KIT: variants seen among roughly 807,000 people sequenced by gnomAD.
KIT encodes mast/stem cell growth factor receptor Kit.
In KIT, 16 loss-of-function variants were observed where a neutral mutation model predicts 105.7. The ratio of observed to expected loss-of-function variants is 0.15; its 90% CI spans 0.10 to 0.23. The LOEUF is 0.23. KIT is among the 10% of genes least tolerant of loss of function. The probability of loss-of-function intolerance (pLI) is 1.00; values close to 1 mark genes in which losing one functional copy is unlikely to be tolerated. For missense variants in KIT, 858 were observed against 1,213.8 expected, an observed-to-expected ratio of 0.71 and a Z score of 4.36; for synonymous variants, 438 against 441.1, an observed-to-expected ratio of 0.99 and a Z score of 0.09.
At chr4:54,667,725 G>T (rs1344924055) in intron 1 of KIT, among the ~76,000 whole-genome samples, 1 of 149,260 alleles carries the variant, frequency 6.7e-6, no homozygotes, top group Non-Finnish European at 1.5e-5. Flanking sequence ...CTTTCCTGCA[G>T]TGCTATATGT....
intron 14 of KIT, 41 bp downstream of exon 14, chr4:54,729,526 G>A (rs2109787553): frequency 6.3e-7 from 1 of 1,599,166 alleles, no homozygotes; most frequent in Non-Finnish European, 8.6e-7. Flanking sequence ...TTGACAGGCA[G>A]TTCATGGGGT....
intron 7 of KIT, among the ~76,000 whole-genome samples, chr4:54,710,609 TCTC>T (rs1306361704): frequency 6.8e-6 from 1 of 146,636 alleles, no homozygotes; most frequent in African/African-American, 2.5e-5. Flanking sequence ...TGCAGTGACA[TCTC>T]GATTCACTGC....
chr4:54,712,810 C>A (rs1560406631), intron 7 of KIT, among the ~76,000 whole-genome samples: 1 of 152,178 alleles, frequency 6.6e-6, no homozygotes, highest in African/African-American at 2.4e-5. Flanking sequence ...TGAGGTCCCA[C>A]TGTATTTCAC....
intron 1 of KIT, among the ~76,000 whole-genome samples, chr4:54,662,360 A>G (rs577630848): frequency 2.0e-5 from 3 of 152,298 alleles, no homozygotes; most frequent in Admixed American, 2.0e-4. Context: ...TAGTTTTGCC[A>G]CTTATTAGCT....
At chr4:54,684,154 C>T (rs1224601489) in intron 1 of KIT, among the ~76,000 whole-genome samples, 1 of 149,052 alleles carries the variant, frequency 6.7e-6, no homozygotes, top group Non-Finnish European at 1.5e-5. Context: ...CCAGGTTGAA[C>T]GCCCACACAG....
intron 7 of KIT, among the ~76,000 whole-genome samples, chr4:54,718,804 C>A (rs1721662262): frequency 6.6e-6 from 1 of 152,080 alleles, no homozygotes; most frequent in Non-Finnish European, 1.5e-5. Flanking sequence ...CTGTTAGTGT[C>A]CATATGCCAA....
At chr4:54,713,871 C>T (rs1721306957) in intron 7 of KIT, among the ~76,000 whole-genome samples, 1 of 152,020 alleles carries the variant, frequency 6.6e-6, no homozygotes, top group African/African-American at 2.4e-5. Context: ...TGTTTCTAAC[C>T]TCTCTAATCA....
chr4:54,697,725 G>T (rs1375401307), intron 2 of KIT, among the ~76,000 whole-genome samples: 1 of 152,180 alleles, frequency 6.6e-6, no homozygotes, highest in African/African-American at 2.4e-5. Context: ...GGGTGGCCTG[G>T]TGAGAGTTTT....
At chr4:54,710,986 C>T (rs1373108508) in intron 7 of KIT, among the ~76,000 whole-genome samples, 1 of 152,154 alleles carries the variant, frequency 6.6e-6, no homozygotes, top group Non-Finnish European at 1.5e-5. Context: ...CCCAAGAGAT[C>T]CTTCCGCTTC....
intron 16 of KIT, among the ~76,000 whole-genome samples, chr4:54,732,331 A>G (rs935088669): frequency 6.6e-6 from 1 of 152,156 alleles, no homozygotes; most frequent in Non-Finnish European, 1.5e-5. Context: ...TCATTTTATC[A>G]GTAAAAGCAG....
chr4:54,707,739 G>A (rs560273694), intron 6 of KIT, among the ~76,000 whole-genome samples: 1 of 152,306 alleles, frequency 6.6e-6, no homozygotes, highest in South Asian at 2.1e-4. Context: ...AAACATTATA[G>A]TAAAAATAGT....
intron 5 of KIT, among the ~76,000 whole-genome samples, chr4:54,705,311 G>A (rs1720717569): frequency 6.6e-6 from 1 of 152,186 alleles, no homozygotes; most frequent in Non-Finnish European, 1.5e-5. Flanking sequence ...AGAATGGGTT[G>A]AGGTGGAACA....
At chr4:54,678,217 T>G (rs930138224) in intron 1 of KIT, among the ~76,000 whole-genome samples, 12 of 152,154 alleles carry the variant, frequency 7.9e-5, no homozygotes, top group African/African-American at 2.9e-4. Context: ...TGATAACCTA[T>G]GTTGTCTGTT....
chr4:54,667,922 T>C (rs1717819469), intron 1 of KIT, among the ~76,000 whole-genome samples: 1 of 152,234 alleles, frequency 6.6e-6, no homozygotes. Flanking sequence ...CCCTTCTCCC[T>C]ACCGACCTTC....
At chr4:54,666,670 A>T (rs1359358558) in intron 1 of KIT, among the ~76,000 whole-genome samples, 1 of 152,158 alleles carries the variant, frequency 6.6e-6, no homozygotes, top group African/African-American at 2.4e-5. Flanking sequence ...GAAGAAAACC[A>T]AGTAATTGTC....
chr4:54,664,137 T>A (rs1170361627), intron 1 of KIT, among the ~76,000 whole-genome samples: 1 of 152,098 alleles, frequency 6.6e-6, no homozygotes, highest in Admixed American at 6.6e-5. Flanking sequence ...ATATTTGAGA[T>A]TAATTTCTGA....
chr4:54,668,964 G>T (rs920817777), intron 1 of KIT, among the ~76,000 whole-genome samples: 8 of 152,182 alleles, frequency 5.3e-5, no homozygotes, highest in African/African-American at 1.9e-4. Flanking sequence ...TTCCATTTAA[G>T]AAATGGTTGA....
intron 5 of KIT, 73 bp downstream of exon 5, chr4:54,703,965 T>C (rs772859636): frequency 4.5e-5 from 52 of 1,166,198 alleles, no homozygotes; most frequent in Non-Finnish European, 6.7e-5. Context: ...GTTTCTTTTT[T>C]ATGTAAATGG....
intron 4 of KIT, among the ~76,000 whole-genome samples, chr4:54,700,412 C>T (rs1489213780): frequency 2.0e-5 from 3 of 152,170 alleles, no homozygotes; most frequent in Non-Finnish European, 2.9e-5. Flanking sequence ...ATATTCAATG[C>T]CATTATACCT....
Sources: gnomAD v4.1 joint callset for allele counts (sites outside exome capture counted in the v4.1 genomes callset) on GRCh38, gnomAD v4.1.1 for gene constraint, MANE v1.5 for transcripts, NCBI Gene and HGNC (gene_info 2026-07-23, HGNC 2026-07-21) for gene names.